Variants in BLTP1 observed in about 807,000 individuals in gnomAD.
BLTP1 encodes bridge-like lipid transfer protein family member 1.
the BLTP1 span, chr4:122,259,941 A>G: frequency 1.1e-6 from 1 of 896,366 alleles, no homozygotes; most frequent in Non-Finnish European, 1.3e-6. Context: ...GATAATTTTG[A>G]CAATATTAAA....
chr4:122,323,026 A>G, the BLTP1 span, among the ~76,000 whole-genome samples: 313 of 152,108 alleles, frequency 2.1e-3, no homozygotes, highest in Admixed American at 3.3e-3. Flanking sequence ...AGGCGATCTC[A>G]CAATATTGCA....
the BLTP1 span, chr4:122,341,902 C>T: frequency 3.6e-4 from 263 of 732,118 alleles, 3 homozygotes; most frequent in African/African-American, 4.7e-3. Context: ...GGAATGGACA[C>T]TCCCAGGAGA....
chr4:122,160,398 A>C, the BLTP1 span, among the ~76,000 whole-genome samples: 3 of 152,340 alleles, frequency 2.0e-5, no homozygotes, highest in South Asian at 6.2e-4. Flanking sequence ...ATTTTTAAGC[A>C]GAGAGGGTCC....
chr4:122,264,028 A>T, the BLTP1 span: 2 of 780,718 alleles, frequency 2.6e-6, no homozygotes, highest in African/African-American at 3.8e-5. Context: ...ATGTATAAGG[A>T]TAGATAAGGA....
chr4:122,187,498 G>T, the BLTP1 span: 5 of 1,612,122 alleles, frequency 3.1e-6, no homozygotes, highest in Non-Finnish European at 3.4e-6. Flanking sequence ...AGTCATAAAG[G>T]TCAATGTGAG....
the BLTP1 span, chr4:122,325,189 A>G: frequency 1.4e-5 from 21 of 1,539,776 alleles, no homozygotes; most frequent in Non-Finnish European, 1.9e-5. Flanking sequence ...AATTTTTTTA[A>G]TGAGAATATT....
the BLTP1 span, chr4:122,276,958 A>G: frequency 1.0e-6 from 1 of 984,398 alleles, no homozygotes; most frequent in African/African-American, 1.8e-5. Context: ...TAATTGGCAA[A>G]TTTTCTGCAG....
chr4:122,157,919 A>G, the BLTP1 span, among the ~76,000 whole-genome samples: 1 of 152,184 alleles, frequency 6.6e-6, no homozygotes, highest in Non-Finnish European at 1.5e-5. Context: ...AGTGTTGGTA[A>G]ACACATGTGA....
the BLTP1 span, among the ~76,000 whole-genome samples, chr4:122,166,350 A>AT: frequency 1.3e-5 from 2 of 151,958 alleles, no homozygotes; most frequent in Admixed American, 6.6e-5. Flanking sequence ...CCATTTCTTG[A>AT]TTTTGTCAGG....
At chr4:122,361,155 C>T in the BLTP1 span, among the ~76,000 whole-genome samples, 2 of 152,166 alleles carry the variant, frequency 1.3e-5, 1 homozygote, top group African/African-American at 4.8e-5. Flanking sequence ...AGATCAATGC[C>T]TAACCACCCC....
the BLTP1 span, among the ~76,000 whole-genome samples, chr4:122,290,547 G>A: frequency 6.6e-6 from 1 of 151,756 alleles, no homozygotes; most frequent in Non-Finnish European, 1.5e-5. Flanking sequence ...CAGCACTTTG[G>A]GAGGCCGAGG....
the BLTP1 span, chr4:122,339,109 A>G: frequency 2.6e-5 from 35 of 1,354,592 alleles, no homozygotes; most frequent in Non-Finnish European, 3.4e-5. Context: ...TTTAAAAAAA[A>G]TGTTTCTTAA....
the BLTP1 span, among the ~76,000 whole-genome samples, chr4:122,163,471 C>T: frequency 2.0e-5 from 3 of 152,210 alleles, no homozygotes; most frequent in Admixed American, 1.3e-4. Context: ...AGTCAGAAAG[C>T]AGCACTCAGC....
the BLTP1 span, chr4:122,266,809 T>TA: frequency 1.2e-6 from 2 of 1,608,900 alleles, no homozygotes; most frequent in Non-Finnish European, 1.7e-6. Context: ...TTCTGAGTCA[T>TA]ACAGGGATCC....
At chr4:122,244,709 A>T in the BLTP1 span, 5 of 681,860 alleles carry the variant, frequency 7.3e-6, no homozygotes, top group Non-Finnish European at 9.0e-6. Context: ...TCGATAACTT[A>T]TACTATTAAG....
At chr4:122,359,293 C>T in the BLTP1 span, 3 of 972,864 alleles carry the variant, frequency 3.1e-6, no homozygotes, top group Non-Finnish European at 3.7e-6. Flanking sequence ...TTTAGGAAAC[C>T]TACAACTATC....
the BLTP1 span, chr4:122,244,156 TAGA>T: frequency 5.0e-6 from 5 of 993,938 alleles, no homozygotes; most frequent in South Asian, 3.0e-5. Flanking sequence ...TATGTTCATA[TAGA>T]AGATTATTGA....
chr4:122,199,898 T>C, the BLTP1 span: 2 of 978,178 alleles, frequency 2.0e-6, no homozygotes, highest in Non-Finnish European at 2.4e-6. Context: ...CCTGGATTGT[T>C]TCATATTATA....
the BLTP1 span, among the ~76,000 whole-genome samples, chr4:122,203,469 T>A: frequency 6.6e-6 from 1 of 151,838 alleles, no homozygotes; most frequent in Non-Finnish European, 1.5e-5. Context: ...GCCTAACAAC[T>A]TAAAGATAAA....
Sources: allele counts gnomAD v4.1 joint callset (sites outside exome capture counted in the v4.1 genomes callset), GRCh38; gene constraint gnomAD v4.1.1; transcripts MANE v1.5; gene names NCBI Gene and HGNC (gene_info 2026-07-23, HGNC 2026-07-21).